Variants in DRC1 observed in about 807,000 individuals in gnomAD.
DRC1 encodes the protein dynein regulatory complex protein 1.
In DRC1, 74 loss-of-function variants were observed where a neutral mutation model predicts 98.7. The observed-to-expected ratio is 0.75, with a 90% CI of 0.62 to 0.91. The LOEUF (loss-of-function observed/expected upper bound fraction) is 0.91, where lower values mean the gene tolerates loss of function less well. DRC1 is among the 40% of genes least tolerant of loss of function. DRC1 has a pLI of 0.00. For missense variants in DRC1, 875 were observed against 886.0 expected, an observed-to-expected ratio of 0.99 and a Z score of 0.16; for synonymous variants, 336 against 334.1, an observed-to-expected ratio of 1.01 and a Z score of -0.06.
intron 2 of DRC1, among the ~76,000 whole-genome samples, chr2:26,420,105 C>G (rs1188385767): frequency 6.6e-6 from 1 of 152,170 alleles, no homozygotes; most frequent in Non-Finnish European, 1.5e-5. Flanking sequence ...TTGCCTTTAT[C>G]TGCTCATCAC....
At chr2:26,429,228 A>T (rs1663366370) in intron 4 of DRC1, among the ~76,000 whole-genome samples, 1 of 135,396 alleles carries the variant, frequency 7.4e-6, no homozygotes, top group South Asian at 2.4e-4. Context: ...TATTATTATT[A>T]TTATTGAGAC....
Position 26,401,958 on chromosome 2 carries a change from A to C in DRC1, c.-32A>C, listed in dbSNP as rs1678253297. ...AGCCTGAGGTCTGGAGGTGGTGCGG[A>C]GGGAGCCGCCTAGGGACCAGGGACT... On this transcript the variant is annotated 5_prime_UTR_variant, in exon 1 of 17. Transcript: ENST00000288710. 2 of 1,568,838 alleles carry C rather than the reference A, an allele frequency of 1.3e-6. No individual in the cohort carries two copies. Among genetic ancestry groups the C allele is most frequent in the East Asian group, 2.3e-5 (1 of 42,648 alleles).
At chr2:26,420,259 C>T (rs1246202361) in intron 2 of DRC1, among the ~76,000 whole-genome samples, 2 of 152,116 alleles carry the variant, frequency 1.3e-5, no homozygotes, top group African/African-American at 4.8e-5. Context: ...ATTCTAGGTG[C>T]AAGGGAGGCT....
intron 10 of DRC1, among the ~76,000 whole-genome samples, chr2:26,445,484 G>T (rs1221623750): frequency 6.6e-6 from 1 of 152,086 alleles, no homozygotes; most frequent in Non-Finnish European, 1.5e-5. Flanking sequence ...TCTTCCAAAG[G>T]TACCAATGAG....
At chr2:26,402,179 C>A (rs780567947) in intron 1 of DRC1, 35 bp downstream of exon 1, 2 of 1,531,792 alleles carry the variant, frequency 1.3e-6, no homozygotes, top group Non-Finnish European at 1.7e-6. Context: ...GGATCCGCGC[C>A]GCAGGAGCCG....
Position 26,444,732 on chromosome 2 carries a change from G to C in DRC1, c.1180G>C (p.Asp394His). 6.2e-7 allele frequency: 1 copy of C among 1,614,144 alleles called. No individual in the cohort carries two copies. Among genetic ancestry groups the C allele is most frequent in the Non-Finnish European group, 8.5e-7 (1 of 1,180,012 alleles). Residue 394 changes from aspartate to histidine, a missense_variant, in exon 10 of 17, where the codon GAT (aspartate) becomes CAT (histidine). Asp to His is a moderately conservative substitution (Grantham distance 81). Coordinates refer to ENST00000288710, the MANE Select transcript of DRC1 (RefSeq NM_145038.5). ...CCTTCACAGGCATTTTGCTCTTATTGATGATGAGAAGTTTTGGGAGATTTG... is the reference window on the plus strand; with the variant it reads ...CCTTCACAGGCATTTTGCTCTTATTCATGATGAGAAGTTTTGGGAGATTTG... Reference protein sequence around the residue: ...QKAMRHFALIDDEKFWEIWLM... With the variant: ...QKAMRHFALIHDEKFWEIWLM...
intron 4 of DRC1, among the ~76,000 whole-genome samples, chr2:26,424,783 C>T (rs1290228692): frequency 6.6e-6 from 1 of 152,072 alleles, no homozygotes; most frequent in Non-Finnish European, 1.5e-5. Flanking sequence ...GAAACCCCAT[C>T]TCTACTAAAA....
intron 16 of DRC1, among the ~76,000 whole-genome samples, chr2:26,455,551 C>T (rs1349239510): frequency 6.6e-6 from 1 of 152,234 alleles, no homozygotes; most frequent in Non-Finnish European, 1.5e-5. Flanking sequence ...ACAGAGCCTC[C>T]AGCTGTGCTC....
intron 7 of DRC1, among the ~76,000 whole-genome samples, chr2:26,434,220 TA>T (rs1005117828): frequency 1.3e-5 from 2 of 151,002 alleles, no homozygotes; most frequent in African/African-American, 4.9e-5. Flanking sequence ...GTACAAGAAG[TA>T]AAAAAAAATG....
rs185204714 is a variant in DRC1 at position 26,429,407 on chromosome 2, G to C, written c.541-221G>C. 2.0e-5 allele frequency among the ~76,000 whole-genome samples: 3 copies of C among 151,964 alleles called. No homozygotes were observed. The East Asian group carries it at 5.8e-4, about 30-fold the overall frequency. ...ATTTTTATATTTTTTTGTAGAGACAGAGTTTTGCCATACTACCCGGGCTGG... is the reference window on the plus strand; with the variant it reads ...ATTTTTATATTTTTTTGTAGAGACACAGTTTTGCCATACTACCCGGGCTGG... On this transcript the variant is annotated intron_variant, in intron 4 of 16. Coordinates refer to ENST00000288710, the MANE Select transcript of DRC1 (RefSeq NM_145038.5).
At chr2:26,440,170 A>C (rs1040043752) in intron 7 of DRC1, among the ~76,000 whole-genome samples, 1 of 151,484 alleles carries the variant, frequency 6.6e-6, no homozygotes, top group Non-Finnish European at 1.5e-5. Flanking sequence ...GAATATGGCT[A>C]TGCATAGCTA....
Position 26,432,015 on chromosome 2 carries a change from G to A in DRC1, c.888+9G>A, listed in dbSNP as rs766166674. ...TGGAGCAGGATGTGCAGGTGCAACA[G>A]CTGGTCCTCACTAGGGTGCCTGGGT... On this transcript the variant is annotated intron_variant, in intron 7 of 16. Coordinates refer to ENST00000288710, the MANE Select transcript of DRC1 (RefSeq NM_145038.5). The A allele has an allele frequency of 3.1e-6, 5 of 1,613,090 alleles. No individual in the cohort carries two copies. The highest frequency in any genetic ancestry group is 1.7e-5 in the Admixed American group (1 of 59,828).
In DRC1 at chr2:26,450,585, G is replaced by C; in HGVS notation, c.1600-7G>C. 1 of 1,605,618 alleles carries C rather than the reference G, an allele frequency of 6.2e-7. No individual in the cohort carries two copies. Among genetic ancestry groups the C allele is most frequent in the Non-Finnish European group, 8.5e-7 (1 of 1,176,650 alleles). On this transcript the variant is annotated splice_region_variant and splice_polypyrimidine_tract_variant and intron_variant, in intron 12 of 16. Transcript: ENST00000288710. ...TGTTTGAGCAACCATCCTGTTTTTC[G>C]CCCCAGGCCCTTGGAATTGAAAGTG...
intron 7 of DRC1, among the ~76,000 whole-genome samples, chr2:26,433,387 T>G (rs1473537064): frequency 6.6e-6 from 1 of 152,212 alleles, no homozygotes; most frequent in Non-Finnish European, 1.5e-5. Context: ...CCCATTGGGT[T>G]ACAAATATAT....
intron 7 of DRC1, among the ~76,000 whole-genome samples, chr2:26,434,709 G>A (rs1452361910): frequency 6.6e-6 from 1 of 152,058 alleles, no homozygotes; most frequent in Non-Finnish European, 1.5e-5. Flanking sequence ...GGCTAACATG[G>A]TGAAACCACG....
At chr2:26,430,591 CT>C in intron 5 of DRC1, 194 bp from the exon 6 acceptor site, 1 of 693,916 alleles carries the variant, frequency 1.4e-6, no homozygotes, top group Non-Finnish European at 2.7e-6. Context: ...GGAGTATCGT[CT>C]TCATAATGCT....
chr2:26,430,947 C>A (rs114396378), intron 6 of DRC1, 75 bp downstream of exon 6: 4 of 1,009,534 alleles, frequency 4.0e-6, no homozygotes, highest in Non-Finnish European at 5.7e-6. Context: ...TGCTAGCTAG[C>A]CTTTTTCTAT....
Position 26,403,309 on chromosome 2 carries a change from G to T in DRC1, c.155+1165G>T, listed in dbSNP as rs1572346961. 1.3e-5 allele frequency among the ~76,000 whole-genome samples: 2 copies of T among 151,996 alleles called. 1 individual carries two copies. The highest frequency in any genetic ancestry group is 3.9e-4 in the East Asian group (2 of 5,186). On this transcript the variant is annotated intron_variant, in intron 1 of 16. Coordinates refer to ENST00000288710, the MANE Select transcript of DRC1 (RefSeq NM_145038.5). ...CTTGAACTCCATTGTTTACCTTAGG[G>T]TTTCTTTTTGGTGTTGTACATCCTA...
chr2:26,434,904 A>AC (rs1397493356), intron 7 of DRC1, among the ~76,000 whole-genome samples: 1 of 151,478 alleles, frequency 6.6e-6, no homozygotes, highest in African/African-American at 2.4e-5. Flanking sequence ...AAAAAAAAAA[A>AC]AGAAAGAAAG....
Sources: allele counts gnomAD v4.1 joint callset (sites outside exome capture counted in the v4.1 genomes callset), GRCh38; gene constraint gnomAD v4.1.1; transcripts MANE v1.5; gene names NCBI Gene and HGNC (gene_info 2026-07-23, HGNC 2026-07-21).